RBFOX1: variants seen among roughly 807,000 people sequenced by gnomAD.
The protein encoded by RBFOX1 is RNA binding protein fox-1 homolog 1.
Under a neutral mutation model 57.7 loss-of-function variants are expected in RBFOX1, and 8 were observed. That is an observed-to-expected ratio of 0.14 (90% CI 0.08 to 0.25). The LOEUF is 0.25. RBFOX1 is among the 10% of genes least tolerant of loss of function. RBFOX1 has a pLI of 1.00. For missense variants in RBFOX1, 611 were observed against 548.5 expected (o/e 1.11, Z -1.14); for synonymous variants, 326 against 222.4 (o/e 1.47, Z -4.15).
intron 1 of RBFOX1, among the ~76,000 whole-genome samples, chr16:5,257,391 G>A (rs539112256): frequency 7.0e-4 from 107 of 152,306 alleles, no homozygotes; most frequent in African/African-American, 2.4e-3. Flanking sequence ...GAGCTTCTGT[G>A]ACCTTGTAAA....
chr16:7,709,758 G>C (rs527725312), intron 15 of RBFOX1: 2 of 154,158 alleles, frequency 1.3e-5, no homozygotes, highest in African/African-American at 6.1e-5. Flanking sequence ...GGAGGGGGTG[G>C]GGGGAGGGTA....
chr16:7,711,669 TA>T lies in RBFOX1; in HGVS notation c.*928del. 6.5e-6 allele frequency: 1 copy of T among 152,744 alleles called. No homozygotes were observed. The highest frequency in any genetic ancestry group is 2.1e-4 in the South Asian group (1 of 4,824). The allele number at this position is 152,744 out of a possible 1,614,324, so 9.5% of individuals were successfully genotyped here. On this transcript the variant is annotated 3_prime_UTR_variant, in exon 16 of 16. Coordinates refer to ENST00000550418, the MANE Select transcript of RBFOX1 (RefSeq NM_018723.4). The stretch of plus-strand genomic sequence containing the variant: ...CTTTGTACCAGTTAAAAAAAATGTA[TA>T]AAATTTACATCTGTGCAGTGGAGTT...
At position 7,496,747 on chromosome 16, in the gene RBFOX1, G is replaced by GAAAAAAAA. The variant is rs71150303; in HGVS notation, c.28-21395_28-21388dup. On this transcript the variant is annotated intron_variant, in intron 4 of 15. Transcript: ENST00000550418. ...TTCTCATAGAAAAGACTACAGAACA[G>GAAAAAAAA]AAAAAAAAAAAACAGTTTGCATTGT... Among the ~76,000 whole-genome samples the GAAAAAAAA allele has an allele frequency of 2.4e-4, 30 of 127,494 alleles. 2 individuals carry two copies. Among genetic ancestry groups the GAAAAAAAA allele is most frequent in the East Asian group, 1.4e-3 (6 of 4,158 alleles). The allele number at this position is 127,494 out of a possible 152,430, so 83.6% of individuals were successfully genotyped here.
At chr16:5,737,723 C>T (rs1343874369) in intron 3 of RBFOX1, among the ~76,000 whole-genome samples, 1 of 152,050 alleles carries the variant, frequency 6.6e-6, no homozygotes, top group Non-Finnish European at 1.5e-5. Flanking sequence ...TGGATGATGG[C>T]TGCACAACTC....
intron 4 of RBFOX1, among the ~76,000 whole-genome samples, chr16:7,269,003 C>T (rs921747548): frequency 2.1e-4 from 30 of 140,996 alleles, no homozygotes; most frequent in African/African-American, 7.7e-4. Flanking sequence ...CGCCAGTGCA[C>T]TCCAGCTTGG....
chr16:5,897,216 T>C (rs1238110164), intron 4 of RBFOX1, among the ~76,000 whole-genome samples: 7 of 150,032 alleles, frequency 4.7e-5, no homozygotes, highest in Non-Finnish European at 8.9e-5. Flanking sequence ...TTTCTATTTT[T>C]AGTAGAGACG....
chr16:6,310,287 T>C (rs11077027), intron 1 of RBFOX1, among the ~76,000 whole-genome samples: 14,461 of 152,264 alleles, frequency 0.095, 744 homozygotes, highest in African/African-American at 0.13. Context: ...TCCTTATTTT[T>C]AGGAATCTTC....
intron 4 of RBFOX1, among the ~76,000 whole-genome samples, chr16:7,504,540 A>C (rs1256617859): frequency 6.7e-6 from 1 of 149,880 alleles, no homozygotes; most frequent in Non-Finnish European, 1.5e-5. Context: ...TCAGCCCACA[A>C]AAAAAGGTCA....
At chr16:7,411,214 G>A (rs1307854798) in intron 4 of RBFOX1, among the ~76,000 whole-genome samples, 2 of 144,984 alleles carry the variant, frequency 1.4e-5, no homozygotes, top group African/African-American at 5.2e-5. Context: ...CCAAAGTGCT[G>A]GGATTACAGC....
chr16:7,245,982 G>A (rs931799461), intron 4 of RBFOX1, among the ~76,000 whole-genome samples: 1 of 152,196 alleles, frequency 6.6e-6, no homozygotes, highest in Admixed American at 6.5e-5. Context: ...ATAGATTGCA[G>A]TGTAAATAGA....
At chr16:7,315,465 C>T (rs1298559302) in intron 4 of RBFOX1, among the ~76,000 whole-genome samples, 1 of 151,808 alleles carries the variant, frequency 6.6e-6, no homozygotes, top group Non-Finnish European at 1.5e-5. Flanking sequence ...TACCCCCCCC[C>T]CCATACTGGG....
intron 5 of RBFOX1, among the ~76,000 whole-genome samples, chr16:7,524,967 G>A (rs1377655742): frequency 6.6e-6 from 1 of 152,096 alleles, no homozygotes; most frequent in Non-Finnish European, 1.5e-5. Context: ...CCAGACATTG[G>A]AAAAGGATAT....
chr16:7,101,731 A>C (rs1046405971), intron 4 of RBFOX1, among the ~76,000 whole-genome samples: 2 of 152,082 alleles, frequency 1.3e-5, no homozygotes, highest in Non-Finnish European at 2.9e-5. Context: ...TTGCCGCAGA[A>C]GACAAGTACA....
chr16:5,953,566 C>T lies in RBFOX1; in HGVS notation c.351+86231C>T, dbSNP rs1376531038. 2.6e-5 allele frequency among the ~76,000 whole-genome samples: 4 copies of T among 152,178 alleles called. No homozygotes were observed. The East Asian group carries it at 7.7e-4, about 29-fold the overall frequency. The stretch of plus-strand genomic sequence containing the variant: ...CCTTTGCATCCTCATAGCTTAGCTC[C>T]CACTTATGAGTGAGAACATACGATG... On this transcript the variant is annotated intron_variant, in intron 4 of 19. Transcript: ENST00000641259.
At chr16:7,224,477 G>T (rs2092963272) in intron 4 of RBFOX1, among the ~76,000 whole-genome samples, 1 of 152,070 alleles carries the variant, frequency 6.6e-6, no homozygotes, top group Non-Finnish European at 1.5e-5. Flanking sequence ...GGCTGCAAAT[G>T]ATCGAGCTAT....
At chr16:6,139,154 G>A (rs1299945862) in intron 1 of RBFOX1, among the ~76,000 whole-genome samples, 2 of 152,098 alleles carry the variant, frequency 1.3e-5, no homozygotes, top group Non-Finnish European at 2.9e-5. Flanking sequence ...GTGAATTAAA[G>A]CTTTCTGTGT....
intron 11 of RBFOX1, among the ~76,000 whole-genome samples, chr16:7,649,365 A>G (rs2064450968): frequency 1.3e-5 from 2 of 152,000 alleles, no homozygotes; most frequent in Non-Finnish European, 2.9e-5. Context: ...TTGGGATATC[A>G]GGACACTCCT....
rs561032556 is a variant in RBFOX1, at chr16:7,093,319, C to T, written c.27+41221C>T. 2.0e-5 allele frequency among the ~76,000 whole-genome samples: 3 copies of T among 152,326 alleles called. No homozygotes were observed. In the East Asian group the frequency reaches 5.8e-4, roughly 29 times the overall value. Reference sequence around the variant, plus strand: ...TGTGATGTATACTGAGCTTGCCTCTCTTGTCTGTGTCACCAGGAGATAGTT... The same window carrying T: ...TGTGATGTATACTGAGCTTGCCTCTTTTGTCTGTGTCACCAGGAGATAGTT... On this transcript the variant is annotated intron_variant, in intron 4 of 15. Transcript: ENST00000550418.
chr16:7,353,059 G>C (rs2097155890), intron 4 of RBFOX1, among the ~76,000 whole-genome samples: 1 of 152,128 alleles, frequency 6.6e-6, no homozygotes, highest in Non-Finnish European at 1.5e-5. Flanking sequence ...GTTTGTGCAT[G>C]AGTTACATAG....
Sources: gnomAD v4.1 joint callset for allele counts (sites outside exome capture counted in the v4.1 genomes callset) on GRCh38, gnomAD v4.1.1 for gene constraint, MANE v1.5 for transcripts, NCBI Gene and HGNC (gene_info 2026-07-23, HGNC 2026-07-21) for gene names.